GNPDA2: variants seen among roughly 807,000 people sequenced by gnomAD.
The protein encoded by GNPDA2 is glcN6P deaminase 2.
In GNPDA2, 24 loss-of-function variants were observed where a neutral mutation model predicts 27.0. The ratio of observed to expected loss-of-function variants is 0.89; its 90% CI spans 0.64 to 1.25. The LOEUF (loss-of-function observed/expected upper bound fraction) is 1.25. Among genes scored for constraint, GNPDA2 ranks in the 50% most tolerant of loss-of-function variants. The pLI is 0.00. For synonymous variants in GNPDA2, 94 were observed against 108.4 expected, an observed-to-expected ratio of 0.87 and a Z score of 0.83; for missense variants, 286 against 335.1, an observed-to-expected ratio of 0.85 and a Z score of 1.14.
intron 1 of GNPDA2, among the ~76,000 whole-genome samples, chr4:44,722,982 A>C (rs1560365192): frequency 6.6e-6 from 1 of 152,236 alleles, no homozygotes; most frequent in Non-Finnish European, 1.5e-5. Context: ...AAGAGAATTC[A>C]ACAGAAGAAA....
chr4:44,707,817 G>C lies in GNPDA2; in HGVS notation c.704C>G (p.Thr235Ser). Residue 235 changes from threonine (T) to serine (S), a missense_variant, in exon 6 of 7, where the codon ACT (threonine) becomes AGT (serine). Transcript: ENST00000295448. The part of the protein sequence containing the change: ...TVSAFQQHPR[T>S]IFVCDEDATL... ...AGCATCTTCATCGCATACAAAAATA[G>C]TCCGGGGATGCTGCTGGAAAGCGGA... 7 of 1,613,270 alleles carry C rather than the reference G, an allele frequency of 4.3e-6. No homozygotes were observed. The highest frequency in any genetic ancestry group is 5.9e-6 in the Non-Finnish European group (7 of 1,179,496).
chr4:44,726,309 C>G (rs1278429807), intron 1 of GNPDA2, among the ~76,000 whole-genome samples, 165 bp downstream of exon 1: 1 of 152,172 alleles, frequency 6.6e-6, no homozygotes, highest in African/African-American at 2.4e-5. Flanking sequence ...AGTGGCAATA[C>G]GGGAGACCCC....
chr4:44,717,342 A>G (rs1717369619), intron 3 of GNPDA2, 47 bp from the exon 4 acceptor site: 1 of 1,082,426 alleles, frequency 9.2e-7, no homozygotes, highest in Non-Finnish European at 1.3e-6. Context: ...AAATAAATCT[A>G]AAGTTTATTT....
intron 4 of GNPDA2, among the ~76,000 whole-genome samples, chr4:44,712,251 A>G (rs1005469663): frequency 6.6e-6 from 1 of 152,160 alleles, no homozygotes; most frequent in African/African-American, 2.4e-5. Context: ...AGTCATTAAA[A>G]TATCTTTTAC....
At chr4:44,703,767 C>G in intron 6 of GNPDA2, 1 of 985,100 alleles carries the variant, frequency 1.0e-6, no homozygotes, top group Non-Finnish European at 1.2e-6. Context: ...GGTACATATA[C>G]TTGCAGACTG....
At chr4:44,717,008 C>A in intron 4 of GNPDA2, 105 bp downstream of exon 4, 1 of 686,128 alleles carries the variant, frequency 1.5e-6, no homozygotes, top group South Asian at 2.0e-5. Context: ...TACGGACAGC[C>A]ACAGGTGCTC....
intron 6 of GNPDA2, chr4:44,703,706 A>G (rs1419137628): frequency 1.0e-6 from 1 of 983,012 alleles, no homozygotes; most frequent in Non-Finnish European, 1.2e-6. Context: ...TTAATTCAGA[A>G]TAGAAATTAC....
intron 4 of GNPDA2, among the ~76,000 whole-genome samples, chr4:44,714,968 A>G (rs1320925609): frequency 6.6e-6 from 1 of 152,150 alleles, no homozygotes; most frequent in Non-Finnish European, 1.5e-5. Flanking sequence ...CGGGGAAACA[A>G]CTACAGGAAG....
At chr4:44,712,618 T>C (rs1717046559) in intron 4 of GNPDA2, among the ~76,000 whole-genome samples, 1 of 152,136 alleles carries the variant, frequency 6.6e-6, no homozygotes, top group Non-Finnish European at 1.5e-5. Context: ...TCCCTAACAT[T>C]TATATTTCTC....
At chr4:44,706,826 C>G (rs1187078277) in intron 6 of GNPDA2, 1 of 151,790 alleles carries the variant, frequency 6.6e-6, no homozygotes, top group African/African-American at 2.4e-5. Flanking sequence ...AGTGTATTTT[C>G]CAATAGGCAT....
At chr4:44,703,429 A>G in intron 6 of GNPDA2, 1 of 1,141,884 alleles carries the variant, frequency 8.8e-7, no homozygotes, top group South Asian at 3.1e-5. Context: ...GAGATTAAGC[A>G]TGACAAATTT....
Sources: allele counts gnomAD v4.1 joint callset (sites outside exome capture counted in the v4.1 genomes callset), GRCh38; gene constraint gnomAD v4.1.1; transcripts MANE v1.5; gene names NCBI Gene and HGNC (gene_info 2026-07-23, HGNC 2026-07-21).